Variants in RP1 observed in about 807,000 individuals in gnomAD.
The protein encoded by RP1 is oxygen-regulated protein 1.
In RP1, 16 loss-of-function variants were observed where a neutral mutation model predicts 14.8. The observed-to-expected ratio is 1.08, with a 90% CI of 0.73 to 1.65. The LOEUF is 1.65. Ranked by LOEUF, RP1 falls within the 40% of genes most tolerant of loss-of-function variation. The pLI is 0.00. For synonymous variants in RP1, 876 were observed against 883.6 expected (o/e 0.99, Z 0.15); for missense variants, 2,631 against 2,535.0 (o/e 1.04, Z -0.81).
At chr8:54,590,430 A>C (rs1278704095) in intron 1 of RP1, among the ~76,000 whole-genome samples, 1 of 152,180 alleles carries the variant, frequency 6.6e-6, no homozygotes, top group Non-Finnish European at 1.5e-5. Context: ...TTGCACAAGC[A>C]GTGATTTATA....
At chr8:54,772,370 A>G (rs1448769712), downstream of RP1, among the ~76,000 whole-genome samples, 1 of 152,000 alleles carries the variant, frequency 6.6e-6, no homozygotes, top group Non-Finnish European at 1.5e-5. Context: ...ATAATAAAAA[A>G]TAAGTTTAAA....
downstream of RP1, chr8:54,630,859 C>T (rs1806235090): frequency 1.0e-6 from 1 of 986,788 alleles, no homozygotes; most frequent in Non-Finnish European, 1.2e-6. Flanking sequence ...GAGTCCAGTT[C>T]CTCAGAATAT....
chr8:54,722,352 G>A (rs1276833101), intron 16 of RP1, among the ~76,000 whole-genome samples: 1 of 150,730 alleles, frequency 6.6e-6, no homozygotes, highest in Non-Finnish European at 1.5e-5. Flanking sequence ...CTCACTGCAA[G>A]CTCCACCTCC....
chr8:54,696,654 C>T (rs755597060), intron 12 of RP1: 33 of 823,368 alleles, frequency 4.0e-5, no homozygotes, highest in East Asian at 1.7e-4. Flanking sequence ...GATAAACATT[C>T]CTTGGCCTTT....
intron 14 of RP1, chr8:54,701,704 CA>C: frequency 6.6e-7 from 1 of 1,508,032 alleles, no homozygotes; most frequent in South Asian, 1.2e-5. Context: ...TGCTAAATCC[CA>C]ACTTTCTTTT....
chr8:54,712,816 A>G (rs1808322071), intron 15 of RP1, among the ~76,000 whole-genome samples: 2 of 151,780 alleles, frequency 1.3e-5, no homozygotes, highest in South Asian at 4.1e-4. Flanking sequence ...GTATTGATAC[A>G]TAACAACGAA....
chr8:54,759,913 C>T (rs1563368392), intron 22 of RP1, among the ~76,000 whole-genome samples: 1 of 152,064 alleles, frequency 6.6e-6, no homozygotes, highest in Non-Finnish European at 1.5e-5. Flanking sequence ...CGAGGGCTGC[C>T]CTGTATCCTC....
chr8:54,800,780 A>T (rs1810686949), intron 24 of RP1, among the ~76,000 whole-genome samples: 1 of 152,208 alleles, frequency 6.6e-6, no homozygotes, highest in Non-Finnish European at 1.5e-5. Context: ...TTAGAGGTTT[A>T]AACACATTTA....
chr8:54,696,284 T>A, intron 12 of RP1: 1 of 388,610 alleles, frequency 2.6e-6, no homozygotes, highest in East Asian at 4.9e-5. Flanking sequence ...TCATTTGGTA[T>A]ATATTGACTA....
intron 24 of RP1, among the ~76,000 whole-genome samples, chr8:54,805,455 A>T (rs1181757643): frequency 6.6e-6 from 1 of 152,210 alleles, no homozygotes; most frequent in Non-Finnish European, 1.5e-5. Flanking sequence ...ATAAAATAAA[A>T]TAATACAAAA....
At chr8:54,851,275 C>A (rs1429613080) in intron 25 of RP1, among the ~76,000 whole-genome samples, 1 of 152,058 alleles carries the variant, frequency 6.6e-6, no homozygotes, top group East Asian at 1.9e-4. Context: ...AGTTTGTGTT[C>A]TAAATGCTTT....
rs151023596 is a variant in RP1 at position 54,559,906 on chromosome 8, A to G, written c.-13+586A>G. 6.1e-3 allele frequency among the ~76,000 whole-genome samples: 934 copies of G among 152,216 alleles called. 8 individuals carry two copies. Among genetic ancestry groups the G allele is most frequent in the African/African-American group, 0.021 (868 of 41,522 alleles). ...AGATGGGGTGGGGACATATTTAGGG[A>G]CTCAGTCCCCAACTGGGAGAAGGAG... On this transcript the variant is annotated intron_variant, in intron 1 of 22. Coordinates refer to the RP1 transcript ENST00000636932.
At chr8:54,839,564 C>T (rs1811743901) in intron 25 of RP1, among the ~76,000 whole-genome samples, 2 of 152,180 alleles carry the variant, frequency 1.3e-5, no homozygotes, top group Admixed American at 1.3e-4. Flanking sequence ...TCAGTAGCCC[C>T]TGGAAATCTT....
chr8:54,576,438 T>C (rs1224718571), intron 1 of RP1, among the ~76,000 whole-genome samples: 2 of 152,240 alleles, frequency 1.3e-5, no homozygotes, highest in Non-Finnish European at 2.9e-5. Context: ...CAGAAGTACG[T>C]GTTTCTACTC....
intron 24 of RP1, among the ~76,000 whole-genome samples, chr8:54,788,551 G>A (rs181744646): frequency 6.6e-6 from 1 of 152,164 alleles, no homozygotes; most frequent in Non-Finnish European, 1.5e-5. Flanking sequence ...TTTAGGAGTG[G>A]CAGCACTAAG....
At chr8:54,661,599 G>T (rs548613897) in intron 6 of RP1, among the ~76,000 whole-genome samples, 58 of 152,236 alleles carry the variant, frequency 3.8e-4, no homozygotes, top group African/African-American at 1.3e-3. Context: ...GCTGAGGAGG[G>T]AATGGAATAT....
chr8:54,636,275 C>G (rs1335536325), intron 3 of RP1, among the ~76,000 whole-genome samples: 1 of 152,192 alleles, frequency 6.6e-6, no homozygotes, highest in East Asian at 1.9e-4. Context: ...AGTCATGGGT[C>G]AGACACTTAG....
chr8:54,685,940 G>A (rs1302984533), intron 12 of RP1, among the ~76,000 whole-genome samples: 1 of 152,132 alleles, frequency 6.6e-6, no homozygotes, highest in African/African-American at 2.4e-5. Context: ...GAAAGAACTG[G>A]CCCTGACAGC....
At chr8:54,601,628 A>G (rs1585540333) in intron 1 of RP1, among the ~76,000 whole-genome samples, 1 of 151,908 alleles carries the variant, frequency 6.6e-6, no homozygotes, top group African/African-American at 2.4e-5. Flanking sequence ...AAGCGATAGT[A>G]CCAAAGACTT....
Sources: allele counts gnomAD v4.1 joint callset (sites outside exome capture counted in the v4.1 genomes callset), GRCh38; gene constraint gnomAD v4.1.1; transcripts MANE v1.5; gene names NCBI Gene and HGNC (gene_info 2026-07-23, HGNC 2026-07-21).